Variants in KIDINS220 observed in about 807,000 individuals in gnomAD.
KIDINS220 encodes kinase D-interacting substrate of 220 kDa.
In KIDINS220, 63 loss-of-function variants were observed where a neutral mutation model predicts 157.6. The ratio of observed to expected loss-of-function variants is 0.40; its 90% CI spans 0.33 to 0.49. The LOEUF is 0.49. Among genes scored for constraint, KIDINS220 ranks in the 20% least tolerant of loss-of-function variants. The pLI is 0.66. For synonymous variants in KIDINS220, 732 were observed against 783.6 expected, an observed-to-expected ratio of 0.93 and a Z score of 1.10; for missense variants, 1,772 against 2,171.2, an observed-to-expected ratio of 0.82 and a Z score of 3.65.
intron 26 of KIDINS220, among the ~76,000 whole-genome samples, chr2:8,741,972 G>A (rs866988012): frequency 6.6e-6 from 1 of 152,206 alleles, no homozygotes; most frequent in Non-Finnish European, 1.5e-5. Context: ...GGGAGGACCT[G>A]TCCTGAGCCT....
In KIDINS220 at chr2:8,733,612, G is replaced by A; in HGVS notation, c.3885C>T (p.Ser1295=). The A allele has an allele frequency of 6.2e-7, 1 of 1,613,194 alleles. No homozygotes were observed. The highest frequency in any genetic ancestry group is 1.7e-4 in the Middle Eastern group (1 of 6,054). The change falls in exon 29 of 30, where the codon AGC becomes AGT. Residue 1295 remains serine, a synonymous_variant. Coordinates refer to ENST00000256707, the MANE Select transcript of KIDINS220 (RefSeq NM_020738.4). Reference sequence around the variant, plus strand: ...GCTCACCGTGCGGGGCTGGGCCACTGCTGCTCTCACTGAGGAAACGTGGGT... The same window carrying A: ...GCTCACCGTGCGGGGCTGGGCCACTACTGCTCTCACTGAGGAAACGTGGGT... ...PEDPRFLSES[S]SGPAPHGEPA...
At chr2:8,809,464 G>A (rs1675980521) in intron 6 of KIDINS220, among the ~76,000 whole-genome samples, 1 of 151,620 alleles carries the variant, frequency 6.6e-6, no homozygotes, top group African/African-American at 2.4e-5. Context: ...CCTAGCTCTG[G>A]AGATTAATAA....
At chr2:8,747,041 C>T in intron 26 of KIDINS220, 104 bp downstream of exon 26, 4 of 1,005,288 alleles carry the variant, frequency 4.0e-6, no homozygotes, top group Non-Finnish European at 6.3e-6. Context: ...CATCACACCA[C>T]AAACGCAGAG....
chr2:8,758,870 A>C (rs1668386128), intron 22 of KIDINS220, among the ~76,000 whole-genome samples: 1 of 152,206 alleles, frequency 6.6e-6, no homozygotes, highest in Non-Finnish European at 1.5e-5. Context: ...TGCCACAGCC[A>C]AAGTAATAAA....
intron 21 of KIDINS220, among the ~76,000 whole-genome samples, chr2:8,773,605 T>C (rs1379768987): frequency 6.6e-6 from 1 of 151,986 alleles, no homozygotes; most frequent in Non-Finnish European, 1.5e-5. Flanking sequence ...CCTGAGTAGC[T>C]GGGATTACAG....
intron 1 of KIDINS220, among the ~76,000 whole-genome samples, chr2:8,834,910 T>C (rs1284742294): frequency 1.3e-5 from 2 of 152,218 alleles, no homozygotes; most frequent in East Asian, 1.9e-4. Context: ...GGCACATTCA[T>C]AGCTCACTGC....
In KIDINS220 at chr2:8,733,473, C is replaced by T. The variant is rs1489115347; in HGVS notation, c.4024G>A (p.Ala1342Thr). 2 of 1,613,966 alleles carry T rather than the reference C, an allele frequency of 1.2e-6. No homozygotes were observed. The highest frequency in any genetic ancestry group is 2.2e-5 in the South Asian group (2 of 91,044). The change falls in exon 29 of 30, where the codon GCC (alanine) becomes ACC (threonine). Residue 1342 changes from alanine (A) to threonine (T), a missense_variant. This residue lies in a region of KIDINS220 where 793 missense variants were observed against 885.5 expected (regional missense o/e 0.90). Coordinates refer to ENST00000256707, the MANE Select transcript of KIDINS220 (RefSeq NM_020738.4). ...CAACTTAGATTACTGTGACGAGGGG[C>T]ACCTTCATCCAGGCCAAGCGTGTTC... ...ELNTLGLDEG[A>T]PRHSNLSWQS... is the part of the protein sequence containing the mutation.
Position 8,731,337 on chromosome 2 carries a change from T to C in KIDINS220, c.4699A>G (p.Ile1567Val). 1 of 1,614,236 alleles carries C rather than the reference T, an allele frequency of 6.2e-7. No homozygotes were observed. Among genetic ancestry groups the C allele is most frequent in the Non-Finnish European group, 8.5e-7 (1 of 1,180,036 alleles). ...TCCGATAAATACTCTTTGGCTTTAA[T>C]GAAGGTTCTGATCGGCTCAGCACTG... The part of the protein sequence containing the change: ...EHSAEPIRTF[I>V]KAKEYLSDAL... The change falls in exon 30 of 30, where the codon ATT becomes GTT. Residue 1567 changes from isoleucine (I) to valine (V), a missense_variant. Coordinates refer to ENST00000256707, the MANE Select transcript of KIDINS220 (RefSeq NM_020738.4). The surrounding 1 kb of genome is among the most constrained non-coding windows in gnomAD (Gnocchi z 5.2).
chr2:8,769,508 A>C (rs1012973358), intron 22 of KIDINS220, among the ~76,000 whole-genome samples: 12 of 152,176 alleles, frequency 7.9e-5, no homozygotes. Context: ...GATAGATGAG[A>C]GTGTCAAGGG....
intron 27 of KIDINS220, 67 bp downstream of exon 27, chr2:8,736,801 C>G (rs899012672): frequency 6.5e-7 from 1 of 1,540,572 alleles, no homozygotes; most frequent in Non-Finnish European, 8.8e-7. Context: ...AAAGTTTACA[C>G]GACCCACACA....
rs970065306 is a variant in KIDINS220 at position 8,786,855 on chromosome 2, A to G, written c.1788-498T>C. Among the ~76,000 whole-genome samples the G allele has an allele frequency of 2.0e-5, 3 of 152,236 alleles. No individual in the cohort carries two copies. The East Asian group carries it at 5.8e-4, about 29-fold the overall frequency. On this transcript the variant is annotated intron_variant, in intron 15 of 29. Coordinates refer to ENST00000256707, the MANE Select transcript of KIDINS220 (RefSeq NM_020738.4). ...CTCAAGTTTTAGCATGGCTTATTTT[A>G]TTTATAGCTTCCACGTCTACCAGGG...
chr2:8,803,147 A>C lies in KIDINS220; in HGVS notation c.604-20T>G, dbSNP rs751390936. Reference sequence around the variant, plus strand: ...TGAATTCTAAAAACAACAACAACAAAAACAAAACAAAACGCAAGCCCAAGA... The same window carrying C: ...TGAATTCTAAAAACAACAACAACAACAACAAAACAAAACGCAAGCCCAAGA... On this transcript the variant is annotated intron_variant, in intron 7 of 29. Transcript: ENST00000256707. 10 of 1,545,974 alleles carry C rather than the reference A, an allele frequency of 6.5e-6. No homozygotes were observed. The highest frequency in any genetic ancestry group is 5.4e-5 in the Admixed American group (3 of 55,584).
intron 26 of KIDINS220, chr2:8,746,595 A>C (rs927492453): frequency 2.0e-5 from 3 of 151,920 alleles, no homozygotes; most frequent in African/African-American, 7.2e-5. Flanking sequence ...ATTTTAACAA[A>C]TATATAGACA....
chr2:8,827,065 A>G lies in KIDINS220; in HGVS notation c.29T>C (p.Ile10Thr). 6.2e-7 allele frequency: 1 copy of G among 1,605,786 alleles called. No homozygotes were observed. The highest frequency in any genetic ancestry group is 8.5e-7 in the Non-Finnish European group (1 of 1,174,250). ...AATGTTTTCTTCCTCTACATAATTT[A>G]TGACGCTCTGTGATATCAAAACTGA... is the stretch of plus-strand genomic sequence containing the variant. MSVLISQSVINYVEEENIPA... is the reference protein window; with the variant it reads MSVLISQSVTNYVEEENIPA... Residue 10 changes from isoleucine to threonine, a missense_variant, in exon 2 of 30, where the codon ATA (isoleucine) becomes ACA (threonine). Physicochemically the swap from Ile to Thr is moderately conservative, Grantham distance 89 (BLOSUM62 -1). Coordinates refer to ENST00000256707, the MANE Select transcript of KIDINS220 (RefSeq NM_020738.4).
intron 20 of KIDINS220, 150 bp downstream of exon 20, chr2:8,778,489 A>T (rs1043079655): frequency 1.5e-6 from 1 of 684,134 alleles, no homozygotes; most frequent in Non-Finnish European, 2.6e-6. Flanking sequence ...ATTCCCTGAA[A>T]CACATGAAGC....
intron 1 of KIDINS220, among the ~76,000 whole-genome samples, chr2:8,830,397 C>T (rs991738188): frequency 6.6e-6 from 1 of 152,142 alleles, no homozygotes; most frequent in African/African-American, 2.4e-5. Context: ...TGGCTTCCCA[C>T]AGCCATCCAG....
At chr2:8,813,155 A>G (rs1450560852) in intron 5 of KIDINS220, 82 bp downstream of exon 5, 1 of 811,054 alleles carries the variant, frequency 1.2e-6, no homozygotes, top group African/African-American at 1.8e-5. Context: ...ACCCACCACG[A>G]AGCCAAATAT....
chr2:8,830,479 C>T (rs1679450904), intron 1 of KIDINS220, among the ~76,000 whole-genome samples: 1 of 152,172 alleles, frequency 6.6e-6, no homozygotes, highest in Non-Finnish European at 1.5e-5. Flanking sequence ...AGTGCAGTAG[C>T]ACGATCATGG....
At position 8,785,811 on chromosome 2, in the gene KIDINS220, T is replaced by C; in HGVS notation, c.2159A>G (p.Asn720Ser). Residue 720 changes from asparagine to serine, a missense_variant, in exon 17 of 30, where the codon AAT becomes AGT. This residue lies in a region of KIDINS220 where 725 missense variants were observed against 1,017.1 expected (regional missense o/e 0.71). Coordinates refer to ENST00000256707, the MANE Select transcript of KIDINS220 (RefSeq NM_020738.4). ...ATTATGGAGGCGTTTTCTTTGGGAA[T>C]TCAGGAGCGAGTCCAGCACTTGCCA... ...TWWQVLDSLL[N>S]SQRKRLHNAA... 2 of 1,614,104 alleles carry C rather than the reference T, an allele frequency of 1.2e-6. No individual in the cohort carries two copies. The highest frequency in any genetic ancestry group is 1.1e-5 in the South Asian group (1 of 91,058).
Sources: gnomAD v4.1 joint callset for allele counts (sites outside exome capture counted in the v4.1 genomes callset) on GRCh38, gnomAD v4.1.1 for gene constraint, gnomAD v4.1.1 regional missense constraint, Gnocchi (gnomAD v3.1) non-coding constraint, MANE v1.5 for transcripts, NCBI Gene and HGNC (gene_info 2026-07-23, HGNC 2026-07-21) for gene names.